The following PC variants were observed in gnomAD, a reference collection of about 807,000 sequenced individuals.
PC encodes pyruvate carboxylase, mitochondrial.
PC carries 46 observed loss-of-function variants against 107.8 expected under a neutral mutation model. The observed-to-expected ratio is 0.43, with a 90% CI of 0.34 to 0.55. The LOEUF (loss-of-function observed/expected upper bound fraction) is 0.55, where lower values mean the gene tolerates loss of function less well. PC is among the 20% of genes least tolerant of loss of function. The pLI is 0.04. For synonymous variants in PC, 662 were observed against 684.7 expected (o/e 0.97, Z 0.52); for missense variants, 1,241 against 1,643.1 (o/e 0.76, Z 4.23).
intron 3 of PC, among the ~76,000 whole-genome samples, chr11:66,935,451 G>A (rs1948972802): frequency 6.6e-6 from 1 of 152,182 alleles, no homozygotes; most frequent in South Asian, 2.1e-4. Flanking sequence ...CTTAGATGGA[G>A]GTAGACTCCC....
At chr11:66,862,044 G>A (rs781262194) in intron 12 of PC, among the ~76,000 whole-genome samples, 8 of 152,142 alleles carry the variant, frequency 5.3e-5, no homozygotes. Context: ...ACAGAGCAAC[G>A]GGCAGGGGCA....
chr11:66,913,517 C>A (rs552268048), intron 3 of PC, among the ~76,000 whole-genome samples: 2 of 151,592 alleles, frequency 1.3e-5, no homozygotes, highest in African/African-American at 4.9e-5. Context: ...TAAAAAAATA[C>A]AAAAATTAGC....
At chr11:66,946,950 T>C (rs916386863) in intron 3 of PC, among the ~76,000 whole-genome samples, 1 of 152,122 alleles carries the variant, frequency 6.6e-6, no homozygotes, top group Non-Finnish European at 1.5e-5. Flanking sequence ...GATACCACCA[T>C]ATACCTTTTT....
chr11:66,889,850 A>T (rs1394070169), intron 3 of PC, among the ~76,000 whole-genome samples: 1 of 152,066 alleles, frequency 6.6e-6, no homozygotes, highest in Non-Finnish European at 1.5e-5. Flanking sequence ...TGTTGATTTC[A>T]CCTGGATATT....
intron 18 of PC, 42 bp downstream of exon 18, chr11:66,850,632 G>A (rs368066387): frequency 1.1e-5 from 18 of 1,602,902 alleles, no homozygotes; most frequent in Middle Eastern, 3.7e-4. Context: ...TGGTGGCTGC[G>A]GCTTTGAGAG....
intron 3 of PC, among the ~76,000 whole-genome samples, chr11:66,905,722 G>A (rs1948143221): frequency 6.6e-6 from 1 of 152,164 alleles, no homozygotes; most frequent in East Asian, 1.9e-4. Context: ...GATCAGCATA[G>A]AAGTGACAGC....
At chr11:66,901,225 G>T (rs1947945608) in intron 3 of PC, among the ~76,000 whole-genome samples, 1 of 152,204 alleles carries the variant, frequency 6.6e-6, no homozygotes, top group Non-Finnish European at 1.5e-5. Flanking sequence ...AGCCCTCTGG[G>T]TGGAGGCACC....
Position 66,866,103 on chromosome 11 carries a change from G to A in PC, c.1185+84C>T. The A allele has an allele frequency of 1.3e-6, 2 of 1,485,130 alleles. No homozygotes were observed. Among genetic ancestry groups the A allele is most frequent in the South Asian group, 2.4e-5 (2 of 83,686 alleles). 92.0% of individuals were successfully genotyped at this position (1,485,130 alleles called of 1,614,324 possible). Reference sequence around the variant, plus strand: ...GGTCCTCCCTAACTGCCGGGCTGTGGCAACTTGGCACTGCAGCCCCAGGCA... The same window carrying A: ...GGTCCTCCCTAACTGCCGGGCTGTGACAACTTGGCACTGCAGCCCCAGGCA... On this transcript the variant is annotated intron_variant, in intron 11 of 22. Transcript: ENST00000393960. This position sits in a 1 kb window ranked among gnomAD's most constrained non-coding sequence, Gnocchi z 5.4.
chr11:66,921,711 C>T (rs765646985), intron 3 of PC, among the ~76,000 whole-genome samples: 7 of 152,142 alleles, frequency 4.6e-5, no homozygotes, highest in Non-Finnish European at 7.3e-5. Flanking sequence ...TTCAAGGTAA[C>T]GCCTTTTACC....
intron 3 of PC, among the ~76,000 whole-genome samples, chr11:66,899,113 AC>A (rs1348400007): frequency 5.3e-5 from 8 of 151,954 alleles, no homozygotes; most frequent in Admixed American, 4.6e-4. Flanking sequence ...CAAGTGATCC[AC>A]CTGCCTTGGC....
chr11:66,872,037 C>T lies in PC; in HGVS notation c.123G>A (p.Met41Ile). The T allele has an allele frequency of 6.4e-7, 1 of 1,561,672 alleles. No homozygotes were observed. The highest frequency in any genetic ancestry group is 8.7e-7 in the Non-Finnish European group (1 of 1,152,780). Reference sequence around the variant, plus strand: ...ACTGGTGCTCACCTCTGTTGGCCACCATGACTTTCTTGATGGGCTTATACT... The same window carrying T: ...ACTGGTGCTCACCTCTGTTGGCCACTATGACTTTCTTGATGGGCTTATACT... ...RLEYKPIKKVMVANRGEIAIR... is the reference protein window; with the variant it reads ...RLEYKPIKKVIVANRGEIAIR... Residue 41 changes from methionine (M) to isoleucine (I), a missense_variant, in exon 4 of 23, where the codon ATG (methionine) becomes ATA (isoleucine). Coordinates refer to ENST00000393960, the MANE Select transcript of PC (RefSeq NM_001040716.2).
intron 1 of PC, among the ~76,000 whole-genome samples, chr11:66,955,673 T>C (rs1311708189): frequency 6.6e-6 from 1 of 151,984 alleles, no homozygotes; most frequent in African/African-American, 2.4e-5. Flanking sequence ...AGTAAACAAA[T>C]GACGGCTGCT....
At chr11:66,925,102 ACAAGG>A (rs761590324) in intron 3 of PC, among the ~76,000 whole-genome samples, 7 of 152,222 alleles carry the variant, frequency 4.6e-5, no homozygotes, top group Non-Finnish European at 7.3e-5. Flanking sequence ...ATAGAATATC[ACAAGG>A]CAAATGGAGG....
Position 66,906,511 on chromosome 11 carries a change from G to A in PC, c.1-34352C>T, listed in dbSNP as rs563330539. Among the ~76,000 whole-genome samples the A allele has an allele frequency of 1.4e-4, 21 of 152,264 alleles. No individual in the cohort carries two copies. The East Asian group carries it at 3.7e-3, about 27-fold the overall frequency. On this transcript the variant is annotated intron_variant, in intron 3 of 22. Transcript: ENST00000393960. ...CTCCACCCCTGGCCTAGAACTCCCGGGGTGGGGAGAAAGGCATGTTCTTAA... is the reference window on the plus strand; with the variant it reads ...CTCCACCCCTGGCCTAGAACTCCCGAGGTGGGGAGAAAGGCATGTTCTTAA...
intron 21 of PC, 57 bp from the exon 22 acceptor site, chr11:66,849,427 C>T (rs984166572): frequency 2.8e-5 from 45 of 1,608,796 alleles, no homozygotes; most frequent in Middle Eastern, 2.1e-4. Context: ...AGCAGTCCCC[C>T]GGCCCTGGCC....
chr11:66,853,223 C>A lies in PC; in HGVS notation c.1513+16G>T, dbSNP rs1367329313. 2 of 1,612,530 alleles carry A rather than the reference C, an allele frequency of 1.2e-6. No homozygotes were observed. The highest frequency in any genetic ancestry group is 3.3e-5 in the Admixed American group (2 of 59,976). ...GAGGGGAGGGGAGGGCAGGGCAGGG[C>A]AGTCTCGGGCCAGACCGAGGTAGTG... On this transcript the variant is annotated intron_variant, in intron 13 of 22. Coordinates refer to ENST00000393960, the MANE Select transcript of PC (RefSeq NM_001040716.2).
At chr11:66,943,678 G>A (rs530617321) in intron 3 of PC, among the ~76,000 whole-genome samples, 182 of 142,706 alleles carry the variant, frequency 1.3e-3, no homozygotes, top group African/African-American at 4.2e-3. Flanking sequence ...GCATGAACCC[G>A]GGAAGCAGCG....
At chr11:66,949,466 C>T (rs867002389) in intron 3 of PC, among the ~76,000 whole-genome samples, 17 of 151,800 alleles carry the variant, frequency 1.1e-4, no homozygotes, top group Non-Finnish European at 2.1e-4. Context: ...GAGGCCGAGG[C>T]GGGCAGATCA....
At chr11:66,941,498 T>C (rs1187876577) in intron 3 of PC, among the ~76,000 whole-genome samples, 1 of 152,136 alleles carries the variant, frequency 6.6e-6, no homozygotes, top group Non-Finnish European at 1.5e-5. Context: ...ATTCAGCCTT[T>C]TCTTTTTTTT....
Sources: allele counts gnomAD v4.1 joint callset (sites outside exome capture counted in the v4.1 genomes callset), GRCh38; gene constraint gnomAD v4.1.1; non-coding constraint Gnocchi (gnomAD v3.1); transcripts MANE v1.5; gene names NCBI Gene and HGNC (gene_info 2026-07-23, HGNC 2026-07-21).